Variants in BMPR2 observed in about 807,000 individuals in gnomAD.
The protein encoded by BMPR2 is bone morphogenetic protein receptor type-2.
BMPR2 carries 29 observed loss-of-function variants against 100.8 expected under a neutral mutation model. The ratio of observed to expected loss-of-function variants is 0.29; its 90% CI spans 0.21 to 0.39. BMPR2 has a LOEUF of 0.39. Among genes scored for constraint, BMPR2 ranks in the 10% least tolerant of loss-of-function variants. The probability of loss-of-function intolerance (pLI) is 1.00; values close to 1 mark genes in which losing one functional copy is unlikely to be tolerated. For synonymous variants in BMPR2, 382 were observed against 442.3 expected (o/e 0.86, Z 1.71); for missense variants, 1,011 against 1,274.5 (o/e 0.79, Z 3.15).
At chr2:202,457,553 T>TAGAG (rs1233818303) in intron 1 of BMPR2, among the ~76,000 whole-genome samples, 1 of 97,798 alleles carries the variant, frequency 1.0e-5, no homozygotes, top group African/African-American at 3.7e-5. Context: ...TATATATATA[T>TAGAG]ATATATATAG....
intron 1 of BMPR2, among the ~76,000 whole-genome samples, chr2:202,399,795 G>T (rs1296726656): frequency 6.6e-6 from 1 of 152,110 alleles, no homozygotes. Context: ...TTTTTAAATA[G>T]CAGAGACTCT....
At chr2:202,526,678 T>C (rs1342311716) in intron 7 of BMPR2, among the ~76,000 whole-genome samples, 2 of 152,220 alleles carry the variant, frequency 1.3e-5, no homozygotes, top group African/African-American at 2.4e-5. Flanking sequence ...AAGACTTGCA[T>C]AATTTAGCAA....
chr2:202,488,358 T>A (rs1692823987), intron 3 of BMPR2, among the ~76,000 whole-genome samples: 1 of 152,180 alleles, frequency 6.6e-6, no homozygotes, highest in Non-Finnish European at 1.5e-5. Flanking sequence ...TTTATATGTA[T>A]ATTCTTAATA....
At chr2:202,535,110 G>C (rs1362070754) in intron 9 of BMPR2, among the ~76,000 whole-genome samples, 1 of 139,098 alleles carries the variant, frequency 7.2e-6, no homozygotes, top group Non-Finnish European at 1.6e-5. Flanking sequence ...CCTCCCGGAC[G>C]GGGCGGCTGG....
At chr2:202,517,976 C>CTTT in intron 5 of BMPR2, among the ~76,000 whole-genome samples, 1 of 88,440 alleles carries the variant, frequency 1.1e-5, no homozygotes, top group Non-Finnish European at 2.2e-5. Context: ...CCACGCCTGA[C>CTTT]TTTTTTTTTT....
At chr2:202,404,000 C>A (rs1215688171) in intron 1 of BMPR2, among the ~76,000 whole-genome samples, 2 of 135,742 alleles carry the variant, frequency 1.5e-5, no homozygotes, top group African/African-American at 5.2e-5. Flanking sequence ...AGCAAAACTC[C>A]GTCTCAAAAA....
At chr2:202,468,355 T>C (rs1274861612) in intron 3 of BMPR2, among the ~76,000 whole-genome samples, 1 of 152,138 alleles carries the variant, frequency 6.6e-6, no homozygotes, top group Non-Finnish European at 1.5e-5. Flanking sequence ...GGTGCGCATG[T>C]GTAGTTCAGC....
At chr2:202,409,797 A>G (rs1690976139) in intron 1 of BMPR2, among the ~76,000 whole-genome samples, 1 of 152,186 alleles carries the variant, frequency 6.6e-6, no homozygotes, top group Non-Finnish European at 1.5e-5. Context: ...TTGTGGTGTC[A>G]TTAGTAAGTT....
rs1258687047 is a variant in BMPR2 at position 202,377,567 on chromosome 2, G to A, written c.76+17G>A. Reference sequence around the variant, plus strand: ...CTGCGGCTGGTGAGTAGCTCCGGCCGGCACGTCCCGGCCACTGCCCCTGCG... The same window carrying A: ...CTGCGGCTGGTGAGTAGCTCCGGCCAGCACGTCCCGGCCACTGCCCCTGCG... On this transcript the variant is annotated intron_variant, in intron 1 of 12. Transcript: ENST00000374580. 8 of 1,613,618 alleles carry A rather than the reference G, an allele frequency of 5.0e-6. No individual in the cohort carries two copies. The Admixed American group carries it at 5.0e-5, about 10-fold the overall frequency.
At chr2:202,521,200 G>T (rs1389740385) in intron 7 of BMPR2, among the ~76,000 whole-genome samples, 1 of 152,176 alleles carries the variant, frequency 6.6e-6, no homozygotes, top group Non-Finnish European at 1.5e-5. Context: ...GACATAATTT[G>T]TCTATGATGT....
chr2:202,554,174 A>C (rs1688525062), intron 11 of BMPR2, among the ~76,000 whole-genome samples: 1 of 152,172 alleles, frequency 6.6e-6, no homozygotes, highest in Non-Finnish European at 1.5e-5. Context: ...CTTTACACAT[A>C]CCTGAGGACA....
At chr2:202,511,147 T>A (rs777924364) in intron 3 of BMPR2, among the ~76,000 whole-genome samples, 20 of 152,202 alleles carry the variant, frequency 1.3e-4, no homozygotes, top group Non-Finnish European at 2.4e-4. Context: ...TAATAAGCAG[T>A]CACTCCCTAT....
chr2:202,537,040 G>A (rs1308879002), intron 9 of BMPR2, among the ~76,000 whole-genome samples: 2 of 152,100 alleles, frequency 1.3e-5, no homozygotes, highest in African/African-American at 4.8e-5. Context: ...AGGACTACAG[G>A]TGCATGCCAC....
At chr2:202,451,536 TA>T (rs1187345195) in intron 1 of BMPR2, among the ~76,000 whole-genome samples, 1 of 151,932 alleles carries the variant, frequency 6.6e-6, no homozygotes, top group Non-Finnish European at 1.5e-5. Flanking sequence ...CCGTCTCTAC[TA>T]AAAATACAAA....
chr2:202,531,919 C>T (rs1199497), intron 8 of BMPR2, among the ~76,000 whole-genome samples: 71,064 of 143,976 alleles, frequency 0.49, 18,322 homozygotes, highest in East Asian at 0.82. Flanking sequence ...TGAGCCACCA[C>T]GCCCAGCTGT....
chr2:202,383,924 C>T (rs1690359619), intron 1 of BMPR2, among the ~76,000 whole-genome samples: 2 of 152,010 alleles, frequency 1.3e-5, no homozygotes, highest in Admixed American at 1.3e-4. Context: ...GTAATCCTAG[C>T]ACTTTGGGAG....
chr2:202,535,445 C>A (rs371027836), intron 9 of BMPR2, among the ~76,000 whole-genome samples: 1 of 147,644 alleles, frequency 6.8e-6, no homozygotes, highest in East Asian at 2.0e-4. Context: ...ACATCCCAGA[C>A]GGGGCGGCGG....
chr2:202,393,533 C>T (rs137876411), intron 1 of BMPR2, among the ~76,000 whole-genome samples: 2 of 152,122 alleles, frequency 1.3e-5, no homozygotes, highest in East Asian at 3.9e-4. Flanking sequence ...TAGGCACAAG[C>T]GATCCTCCTG....
At chr2:202,501,902 C>G (rs1559057504) in intron 3 of BMPR2, among the ~76,000 whole-genome samples, 1 of 152,192 alleles carries the variant, frequency 6.6e-6, no homozygotes, top group African/African-American at 2.4e-5. Context: ...CCGAGATGAT[C>G]TCTTAGAAGT....
Sources: allele counts gnomAD v4.1 joint callset (sites outside exome capture counted in the v4.1 genomes callset), GRCh38; gene constraint gnomAD v4.1.1; transcripts MANE v1.5; gene names NCBI Gene and HGNC (gene_info 2026-07-23, HGNC 2026-07-21).